The following CNBD1 variants were observed in gnomAD, a reference collection of about 807,000 sequenced individuals.
The protein encoded by CNBD1 is cyclic nucleotide binding domain containing 1, also known as cyclic nucleotide-binding domain-containing protein 1.
In CNBD1, 71 loss-of-function variants were observed where a neutral mutation model predicts 54.4. That is an observed-to-expected ratio of 1.30 (90% CI 1.08 to 1.59). The LOEUF (loss-of-function observed/expected upper bound fraction) is 1.59. Ranked by LOEUF, CNBD1 falls within the 40% of genes most tolerant of loss-of-function variation. The pLI is 0.00. For synonymous variants in CNBD1, 182 were observed against 170.7 expected (o/e 1.07, Z -0.51); for missense variants, 659 against 518.0 (o/e 1.27, Z -2.64).
At chr8:87,004,151 T>C (rs188190682) in intron 4 of CNBD1, among the ~76,000 whole-genome samples, 14 of 152,304 alleles carry the variant, frequency 9.2e-5, no homozygotes, top group Non-Finnish European at 1.6e-4. Flanking sequence ...CCGCATAATT[T>C]ATAAACAAAA....
Position 87,284,759 on chromosome 8 carries a change from G to T in CNBD1, c.853G>T (p.Glu285Ter), listed in dbSNP as rs1458783591. Residue 285 changes from glutamate (E) to a stop codon, truncating the protein, a stop_gained, in exon 7 of 11, where the codon GAA (glutamate) becomes TAA (stop). Transcript: ENST00000518476. LOFTEE classifies it high-confidence loss of function. ...SETQMFSVVT[E>*]DDCEILKIPA... Reference sequence around the variant, plus strand: ...AACACAGATGTTCTCGGTGGTGACAGAAGACGATTGTGAAATTCTTAAAAT... The same window carrying T: ...AACACAGATGTTCTCGGTGGTGACATAAGACGATTGTGAAATTCTTAAAAT... 4.4e-6 allele frequency: 7 copies of T among 1,599,948 alleles called. No individual in the cohort carries two copies. The highest frequency in any genetic ancestry group is 3.3e-4 in the Middle Eastern group (2 of 6,066).
chr8:87,327,665 G>T (rs921813596), intron 8 of CNBD1, among the ~76,000 whole-genome samples: 2 of 152,136 alleles, frequency 1.3e-5, no homozygotes, highest in Non-Finnish European at 2.9e-5. Flanking sequence ...TTCGGCTCGT[G>T]CCCGGTGCGC....
intron 2 of CNBD1, among the ~76,000 whole-genome samples, chr8:87,399,321 A>T (rs896453020): frequency 2.6e-5 from 4 of 152,000 alleles, no homozygotes; most frequent in African/African-American, 9.7e-5. Flanking sequence ...GACACTGTGC[A>T]TGTGCACAAT....
rs553914521 is a variant in CNBD1, at chr8:87,382,757, C to G, written c.*130C>G. 5.5e-6 allele frequency: 3 copies of G among 542,214 alleles called. No homozygotes were observed. The highest frequency in any genetic ancestry group is 6.2e-6 in the Non-Finnish European group (2 of 322,460). 33.6% of individuals were successfully genotyped at this position (542,214 alleles called of 1,614,324 possible). Reference sequence around the variant, plus strand: ...ATTGTGACTACATATCCTGGATTCCCCAGGAAAGTCCCACTTTCGAATTGC... The same window carrying G: ...ATTGTGACTACATATCCTGGATTCCGCAGGAAAGTCCCACTTTCGAATTGC... On this transcript the variant is annotated 3_prime_UTR_variant, in exon 11 of 11. Transcript: ENST00000518476.
At chr8:86,966,773 G>A (rs1340761638) in intron 4 of CNBD1, among the ~76,000 whole-genome samples, 3 of 152,192 alleles carry the variant, frequency 2.0e-5, no homozygotes, top group Admixed American at 1.3e-4. Flanking sequence ...AGTGCAGACC[G>A]AAAGAGTGAG....
chr8:87,120,859 A>G (rs1265302637), intron 4 of CNBD1, among the ~76,000 whole-genome samples: 1 of 151,782 alleles, frequency 6.6e-6, no homozygotes, highest in African/African-American at 2.4e-5. Context: ...ATTAGTCTCT[A>G]TTTTTGTTTT....
At chr8:87,100,869 A>ACTTC (rs1346235374) in intron 4 of CNBD1, among the ~76,000 whole-genome samples, 1 of 152,200 alleles carries the variant, frequency 6.6e-6, no homozygotes, top group Non-Finnish European at 1.5e-5. Context: ...TACAGAGGGA[A>ACTTC]CGGTCTCTAA....
At chr8:86,957,576 A>G (rs949084956) in intron 4 of CNBD1, among the ~76,000 whole-genome samples, 3 of 152,018 alleles carry the variant, frequency 2.0e-5, no homozygotes, top group Non-Finnish European at 4.4e-5. Flanking sequence ...ATGTGTCCAG[A>G]AATTTATCCA....
chr8:87,018,474 A>G (rs2130572365), intron 4 of CNBD1, among the ~76,000 whole-genome samples: 2 of 152,320 alleles, frequency 1.3e-5, no homozygotes, highest in Middle Eastern at 3.4e-3. Context: ...TACAAATTAA[A>G]TCATTATTTC....
At chr8:86,960,967 G>A (rs1185711625) in intron 4 of CNBD1, among the ~76,000 whole-genome samples, 1 of 152,178 alleles carries the variant, frequency 6.6e-6, no homozygotes, top group African/African-American at 2.4e-5. Flanking sequence ...ATTTTCAAAA[G>A]CCAAAGCAGT....
intron 6 of CNBD1, among the ~76,000 whole-genome samples, chr8:87,257,675 A>T (rs999445919): frequency 2.0e-5 from 3 of 152,124 alleles, no homozygotes; most frequent in African/African-American, 7.2e-5. Context: ...CATTGGATTT[A>T]TGTCCTCTTG....
chr8:87,136,037 C>T (rs1012273255), intron 4 of CNBD1, among the ~76,000 whole-genome samples: 13 of 151,978 alleles, frequency 8.6e-5, no homozygotes, highest in Admixed American at 7.2e-4. Context: ...TAGCTTCCAA[C>T]GTCTTGATGG....
intron 4 of CNBD1, among the ~76,000 whole-genome samples, chr8:87,099,065 A>AAAAAAAAAAC (rs978372704): frequency 6.9e-6 from 1 of 143,984 alleles, no homozygotes; most frequent in African/African-American, 2.8e-5. Context: ...AAAAAACAAA[A>AAAAAAAAAAC]CTCCAAATTT....
At chr8:86,899,962 C>G (rs555697288) in intron 2 of CNBD1, among the ~76,000 whole-genome samples, 6 of 152,110 alleles carry the variant, frequency 3.9e-5, no homozygotes, top group Non-Finnish European at 8.8e-5. Context: ...GCACACCCTA[C>G]CCCTCCTCTC....
rs564117945 is a variant in CNBD1, at chr8:87,353,713, A to G, written c.1230A>G (p.Gln410=). 9.3e-6 allele frequency: 15 copies of G among 1,611,810 alleles called. No individual in the cohort carries two copies. In the African/African-American group the frequency reaches 1.7e-4, roughly 19 times the overall value. Residue 410 remains glutamine, a synonymous_variant, in exon 10 of 11, where the codon CAA becomes CAG. Coordinates refer to ENST00000518476, the MANE Select transcript of CNBD1 (RefSeq NM_173538.3). ...TTGGTGAGATTAGCGTCCTTCTTCA[A>G]GTTCCTTTCACGTGCACAATCATTA... is the stretch of plus-strand genomic sequence containing the variant. ...ESFGEISVLL[Q]VPFTCTIITK...
chr8:87,206,244 C>A, intron 5 of CNBD1, 106 bp downstream of exon 5: 1 of 908,282 alleles, frequency 1.1e-6, no homozygotes, highest in East Asian at 3.0e-5. Flanking sequence ...TTTCAGTTGA[C>A]ATGGTAAAAA....
intron 5 of CNBD1, among the ~76,000 whole-genome samples, chr8:87,222,318 G>C (rs1459996290): frequency 1.3e-5 from 2 of 152,026 alleles, no homozygotes; most frequent in East Asian, 3.9e-4. Flanking sequence ...GAGTGTTTTT[G>C]CTAAATGCCT....
chr8:87,128,114 C>T (rs562902306), intron 4 of CNBD1, among the ~76,000 whole-genome samples: 1 of 152,322 alleles, frequency 6.6e-6, no homozygotes, highest in African/African-American at 2.4e-5. Flanking sequence ...AGCTCCCTAT[C>T]CATCCCTCTG....
chr8:87,256,656 AT>A (rs983556848), intron 6 of CNBD1, among the ~76,000 whole-genome samples: 4 of 151,846 alleles, frequency 2.6e-5, no homozygotes, highest in Non-Finnish European at 5.9e-5. Context: ...AAGATCAGTG[AT>A]TTGGGGGAAA....
Sources: gnomAD v4.1 joint callset for allele counts (sites outside exome capture counted in the v4.1 genomes callset) on GRCh38, gnomAD v4.1.1 for gene constraint, MANE v1.5 for transcripts, NCBI Gene and HGNC (gene_info 2026-07-23, HGNC 2026-07-21) for gene names.